Variants in WWOX observed in about 807,000 individuals in gnomAD.
The protein encoded by WWOX is WW domain-containing oxidoreductase.
A neutral mutation model predicts 46.2 loss-of-function variants in WWOX; 69 were observed. That is an observed-to-expected ratio of 1.49 (90% CI 1.23 to 1.82). The LOEUF (loss-of-function observed/expected upper bound fraction) is 1.82, where lower values mean the gene tolerates loss of function less well. Among genes scored for constraint, WWOX ranks in the 40% most tolerant of loss-of-function variants. The pLI, the probability that WWOX is intolerant of heterozygous loss-of-function variation, is 0.00. For missense variants in WWOX, 919 were observed against 542.6 expected, an observed-to-expected ratio of 1.69 and a Z score of -6.89; for synonymous variants, 359 against 202.6, an observed-to-expected ratio of 1.77 and a Z score of -6.56.
chr16:78,694,643 T>C (rs1182415750), intron 8 of WWOX, among the ~76,000 whole-genome samples: 3 of 152,214 alleles, frequency 2.0e-5, no homozygotes, highest in Non-Finnish European at 4.4e-5. Context: ...CATGCCCATG[T>C]AAATACTGGA....
At chr16:78,651,690 T>C (rs979318435) in intron 8 of WWOX, among the ~76,000 whole-genome samples, 1 of 152,174 alleles carries the variant, frequency 6.6e-6, no homozygotes, top group African/African-American at 2.4e-5. Flanking sequence ...TGTGCAGGTG[T>C]TAAGCATCAG....
intron 8 of WWOX, among the ~76,000 whole-genome samples, chr16:78,914,031 C>G (rs1244215262): frequency 6.6e-6 from 1 of 151,984 alleles, no homozygotes; most frequent in Non-Finnish European, 1.5e-5. Flanking sequence ...TGAGGATCAT[C>G]AGAGATGAAA....
intron 8 of WWOX, among the ~76,000 whole-genome samples, chr16:78,680,639 A>G (rs2047707449): frequency 6.6e-6 from 1 of 152,242 alleles, no homozygotes; most frequent in Non-Finnish European, 1.5e-5. Flanking sequence ...AAAATTAAAG[A>G]TTCAATCTCT....
chr16:78,960,230 A>T (rs531034778), intron 8 of WWOX, among the ~76,000 whole-genome samples: 21 of 152,220 alleles, frequency 1.4e-4, no homozygotes, highest in Non-Finnish European at 2.6e-4. Context: ...AAATGACCTT[A>T]ATTTGGGTCA....
intron 4 of WWOX, among the ~76,000 whole-genome samples, chr16:78,147,701 A>ATTTTTTTT (rs1567598469): frequency 2.1e-5 from 2 of 95,160 alleles, no homozygotes; most frequent in African/African-American, 3.7e-5. Flanking sequence ...TTTTTTAAAA[A>ATTTTTTTT]AAAAAAAGGT....
intron 5 of WWOX, among the ~76,000 whole-genome samples, chr16:78,362,212 G>A (rs1264294828): frequency 6.6e-6 from 1 of 152,056 alleles, no homozygotes; most frequent in Non-Finnish European, 1.5e-5. Flanking sequence ...TACTGAACTC[G>A]TGGGAGCATG....
chr16:78,871,245 G>T (rs546874908), intron 8 of WWOX, among the ~76,000 whole-genome samples: 1 of 151,966 alleles, frequency 6.6e-6, no homozygotes, highest in African/African-American at 2.4e-5. Flanking sequence ...GAAAGAGGGG[G>T]GATTTTTCCC....
intron 8 of WWOX, among the ~76,000 whole-genome samples, chr16:78,496,639 C>A (rs2084925904): frequency 6.6e-6 from 1 of 152,210 alleles, no homozygotes; most frequent in Non-Finnish European, 1.5e-5. Context: ...GGGAGGGATG[C>A]ATTCTATGCA....
Position 78,200,741 on chromosome 16 carries a change from G to A in WWOX, c.516+36452G>A, listed in dbSNP as rs555406643. On this transcript the variant is annotated intron_variant, in intron 5 of 8. Transcript: ENST00000566780. ...GTCTGTTTATAGAAAGTGTCACCAA[G>A]TTCTGTCTTGGGCCCGTCCACTCGG... Among the ~76,000 whole-genome samples, 735 of 152,114 alleles carry A rather than the reference G, an allele frequency of 4.8e-3. 5 individuals are homozygous for A. The highest frequency in any genetic ancestry group is 8.7e-3 in the Non-Finnish European group (592 of 68,010).
At position 79,057,972 on chromosome 16, in the gene WWOX, C is replaced by T. The variant is rs1022609822; in HGVS notation, c.1057-153636C>T. ...ATTCAAATCGCTGTTTGCTTCTTCT[C>T]GGGCTCTTATTCAAGCTCACGATGC... On this transcript the variant is annotated intron_variant, in intron 8 of 8. Transcript: ENST00000566780. 5.3e-5 allele frequency among the ~76,000 whole-genome samples: 8 copies of T among 152,238 alleles called. No homozygotes were observed. In the East Asian group the frequency reaches 1.2e-3, roughly 22 times the overall value.
At chr16:78,609,486 A>T (rs995140666) in intron 8 of WWOX, among the ~76,000 whole-genome samples, 22 of 152,000 alleles carry the variant, frequency 1.4e-4, no homozygotes, top group Non-Finnish European at 2.9e-4. Context: ...GAAAAAAAAA[A>T]ATGTTTTCTG....
At chr16:78,853,519 G>T (rs184480107) in intron 8 of WWOX, among the ~76,000 whole-genome samples, 1 of 152,062 alleles carries the variant, frequency 6.6e-6, no homozygotes, top group Admixed American at 6.6e-5. Context: ...TCCATAACCC[G>T]GTGTGCTAAA....
chr16:78,364,578 AAATT>A (rs1297901949), intron 5 of WWOX, among the ~76,000 whole-genome samples: 1 of 151,920 alleles, frequency 6.6e-6, no homozygotes, highest in Non-Finnish European at 1.5e-5. Context: ...AAGAAAAAAA[AAATT>A]TGTGGTTACA....
chr16:78,886,639 C>CATATATATATATATATATATATAT (rs3085495), intron 8 of WWOX, among the ~76,000 whole-genome samples: 1 of 144,844 alleles, frequency 6.9e-6, no homozygotes, highest in Non-Finnish European at 1.5e-5. Context: ...CAAAGAAAAA[C>CATATATATATATATATATATATAT]ATATATATAT....
chr16:79,197,775 G>GTTCATCCCACCATGACGATGGGAGGCAGT (rs1172623918), intron 8 of WWOX, among the ~76,000 whole-genome samples: 2 of 152,086 alleles, frequency 1.3e-5, no homozygotes, highest in Non-Finnish European at 2.9e-5. Flanking sequence ...AAAGGGCAAG[G>GTTCATCCCACCATGACGATGGGAGGCAGT]TTCATCCCAC....
intron 8 of WWOX, among the ~76,000 whole-genome samples, chr16:79,066,994 A>G (rs1461859594): frequency 6.6e-6 from 1 of 152,318 alleles, no homozygotes; most frequent in Admixed American, 6.5e-5. Context: ...CTGAAAGGGC[A>G]TTCTGCATGC....
intron 4 of WWOX, chr16:78,124,189 C>CT (rs1227221336): frequency 1.3e-5 from 2 of 151,822 alleles, no homozygotes; most frequent in Non-Finnish European, 2.9e-5. Context: ...TTTTCAGCAA[C>CT]TTTTTCTCTT....
chr16:78,650,215 C>G (rs1005857967), intron 8 of WWOX, among the ~76,000 whole-genome samples: 1 of 152,186 alleles, frequency 6.6e-6, no homozygotes, highest in Non-Finnish European at 1.5e-5. Flanking sequence ...CTTTGTAACA[C>G]ATTACTACAT....
At chr16:78,260,417 C>A (rs2038248214) in intron 5 of WWOX, among the ~76,000 whole-genome samples, 1 of 151,680 alleles carries the variant, frequency 6.6e-6, no homozygotes, top group Non-Finnish European at 1.5e-5. Context: ...GTAATCCCAG[C>A]ACTTTGGGAG....
Sources: gnomAD v4.1 joint callset for allele counts (sites outside exome capture counted in the v4.1 genomes callset) on GRCh38, gnomAD v4.1.1 for gene constraint, MANE v1.5 for transcripts, NCBI Gene and HGNC (gene_info 2026-07-23, HGNC 2026-07-21) for gene names.